FCHSD1: variants seen among roughly 807,000 people sequenced by gnomAD.
FCHSD1 encodes the protein FCH and double SH3 domains 1.
FCHSD1 carries 109 observed loss-of-function variants against 101.3 expected under a neutral mutation model. The ratio of observed to expected loss-of-function variants is 1.08; its 90% CI spans 0.92 to 1.26. FCHSD1 has a LOEUF of 1.26. FCHSD1 is among the 50% of genes most tolerant of loss of function. The pLI is 0.00. For missense variants in FCHSD1, 820 were observed against 895.8 expected (o/e 0.92, Z 1.08); for synonymous variants, 291 against 356.8 (o/e 0.82, Z 2.08).
chr5:141,641,967 A>G (rs1176071974), intron 18 of FCHSD1: 3 of 605,512 alleles, frequency 5.0e-6, no homozygotes, highest in South Asian at 2.0e-5. Flanking sequence ...ACTAAGGGAG[A>G]TAGGATGCAT....
rs906935855 is a variant in FCHSD1, at chr5:141,649,111, C to G, written c.512+61G>C. 80 of 1,613,686 alleles carry G rather than the reference C, an allele frequency of 5.0e-5. 1 individual carries two copies. Among genetic ancestry groups the G allele is most frequent in the East Asian group, 2.2e-5 (1 of 44,882 alleles). ...CCAGCTTTGGTGACTTGGCTCCACC[C>G]CTAGACAGCCCCACCTCCCTGTTCC... On this transcript the variant is annotated intron_variant, in intron 6 of 19. Coordinates refer to ENST00000435817, the MANE Select transcript of FCHSD1 (RefSeq NM_033449.3). The surrounding 1 kb of genome is among the most constrained non-coding windows in gnomAD (Gnocchi z 4.1).
chr5:141,645,957 G>A, intron 12 of FCHSD1, 25 bp from the exon 13 acceptor site: 1 of 1,552,460 alleles, frequency 6.4e-7, no homozygotes, highest in Middle Eastern at 2.0e-4. Context: ...AAGTAAGTTA[G>A]TGGAACCTGG....
chr5:141,639,970 A>G lies in FCHSD1; in HGVS notation c.*1528T>C. On this transcript the variant is annotated 3_prime_UTR_variant, in exon 20 of 20. Transcript: ENST00000435817. The surrounding 1 kb of genome is among the most constrained non-coding windows in gnomAD (Gnocchi z 4.4). ...CGCTATGGACTGCACGAACACCGTG[A>G]TGGCTCCCCCACAGACAGGAGCTGG... The G allele has an allele frequency of 1.2e-6, 2 of 1,613,948 alleles. No homozygotes were observed. The highest frequency in any genetic ancestry group is 2.2e-5 in the South Asian group (2 of 91,086).
Position 141,651,307 on chromosome 5 carries a change from C to T in FCHSD1, c.21+41G>A, listed in dbSNP as rs777871175. 1.0e-5 allele frequency: 16 copies of T among 1,551,914 alleles called. No homozygotes were observed. The Admixed American group carries it at 1.8e-4, about 17-fold the overall frequency. On this transcript the variant is annotated intron_variant, in intron 1 of 19. Transcript: ENST00000435817. ...GGATGCCCCCTTAGCTCCCTCCGTT[C>T]CCCCAGCCCGCCAGGAGTCCCCATT...
chr5:141,643,725 G>A (rs551599510), intron 17 of FCHSD1, among the ~76,000 whole-genome samples: 33 of 152,174 alleles, frequency 2.2e-4, no homozygotes, highest in African/African-American at 7.7e-4. Flanking sequence ...GCACGTGCCT[G>A]TAATCCCAGC....
chr5:141,647,546 A>G (rs1330215824), intron 8 of FCHSD1, 26 bp from the exon 9 acceptor site: 8 of 1,610,640 alleles, frequency 5.0e-6, no homozygotes, highest in Middle Eastern at 3.3e-4. Context: ...AGATACTGAC[A>G]CCACCCTTCC....
Position 141,649,659 on chromosome 5 carries a change from GGA to G in FCHSD1, c.234-125_234-124del. ...GTGCTTTCCCATCCTCCCTTGTCTG[GGA>G]GCCCATCAATCGATCAGCCCATTAG... On this transcript the variant is annotated intron_variant, in intron 4 of 19. Transcript: ENST00000435817. This position sits in a 1 kb window ranked among gnomAD's most constrained non-coding sequence, Gnocchi z 4.1. The G allele has an allele frequency of 7.3e-7, 1 of 1,370,792 alleles. No homozygotes were observed. 84.9% of individuals were successfully genotyped at this position (1,370,792 alleles called of 1,614,324 possible).
Position 141,640,770 on chromosome 5 carries a change from G to A in FCHSD1, c.*728C>T. The A allele has an allele frequency of 8.6e-7, 1 of 1,166,796 alleles. No individual in the cohort carries two copies. The highest frequency in any genetic ancestry group is 1.2e-6 in the Non-Finnish European group (1 of 837,054). 72.3% of individuals were successfully genotyped at this position (1,166,796 alleles called of 1,614,324 possible). The stretch of plus-strand genomic sequence containing the variant: ...CTGGACAGCACTGCCCCCCAGCTGA[G>A]GGACCAGCTCTACTTCCACCTGGAG... On this transcript the variant is annotated 3_prime_UTR_variant, in exon 20 of 20. Coordinates refer to ENST00000435817, the MANE Select transcript of FCHSD1 (RefSeq NM_033449.3).
At position 141,639,609 on chromosome 5, in the gene FCHSD1, C is replaced by T. The variant is rs746101960; in HGVS notation, c.*1889G>A. 19 of 1,613,330 alleles carry T rather than the reference C, an allele frequency of 1.2e-5. No homozygotes were observed. In the East Asian group the frequency reaches 1.3e-4, roughly 11 times the overall value. On this transcript the variant is annotated 3_prime_UTR_variant, in exon 20 of 20. Transcript: ENST00000435817. The surrounding 1 kb of genome is among the most constrained non-coding windows in gnomAD (Gnocchi z 4.4). ...GGGACGCTCCAAGGAAGGAAAAAGC[C>T]GCCCCCGGACAGGGGAGACCACTGT...
At position 141,644,642 on chromosome 5, in the gene FCHSD1, TGA is replaced by T; in HGVS notation, c.1571_1572del (p.Leu524GlnfsTer15). The T allele has an allele frequency of 1.2e-6, 2 of 1,613,818 alleles. No individual in the cohort carries two copies. The highest frequency in any genetic ancestry group is 1.7e-6 in the Non-Finnish European group (2 of 1,179,760). On this transcript the variant is annotated frameshift_variant, in exon 16 of 20. Coordinates refer to ENST00000435817, the MANE Select transcript of FCHSD1 (RefSeq NM_033449.3). LOFTEE classifies it high-confidence loss of function. ...TCTGGGAGGGAGAGGTCCGGGAAGT[TGA>T]GATATCGCTCAGGGACAAAGCCTAC... Reference protein sequence around the residue: ...GEVGFVPERYLNFPDLSLPES... With the variant: ...GEVGFVPERYXNFPDLSLPES...
Position 141,646,693 on chromosome 5 carries a change from G to T in FCHSD1, c.954C>A (p.Gly318=). 1 of 1,613,170 alleles carries T rather than the reference G, an allele frequency of 6.2e-7. No individual in the cohort carries two copies. Among genetic ancestry groups the T allele is most frequent in the Non-Finnish European group, 8.5e-7 (1 of 1,179,728 alleles). The change falls in exon 11 of 20, where the codon GGC becomes GGA. Residue 318 remains glycine (G), a synonymous_variant. Transcript: ENST00000435817. ...QVCVLEWGAE[G]VAGKSGLEKE... is the part of the protein sequence containing the mutation. ...TCTCCAGGCCACTCTTGCCAGCCAC[G>T]CCTTCTGCTCCCCACTCCAGGACAC...
rs537218233 is a variant in FCHSD1, at chr5:141,645,007, C to T, written c.1440+13G>A. ...CACCCTTGCCCATCAGAGGTCCCCA[C>T]CCCCATTCATACCTGATAGCGAAAT... On this transcript the variant is annotated intron_variant, in intron 14 of 19. Transcript: ENST00000435817. 33 of 1,613,350 alleles carry T rather than the reference C, an allele frequency of 2.0e-5. No homozygotes were observed. Among genetic ancestry groups the T allele is most frequent in the Middle Eastern group, 1.6e-4 (1 of 6,082 alleles).
Position 141,639,769 on chromosome 5 carries a change from G to A in FCHSD1, c.*1729C>T, listed in dbSNP as rs1328426636. On this transcript the variant is annotated 3_prime_UTR_variant, in exon 20 of 20. Coordinates refer to ENST00000435817, the MANE Select transcript of FCHSD1 (RefSeq NM_033449.3). This position sits in a 1 kb window ranked among gnomAD's most constrained non-coding sequence, Gnocchi z 4.4. ...GACTGGGAGCTCCGGCAGAAGTCAG[G>A]CTACACAATGTGCCCCACAATCTGA... is the stretch of plus-strand genomic sequence containing the variant. 12 of 1,289,970 alleles carry A rather than the reference G, an allele frequency of 9.3e-6. No individual in the cohort carries two copies. Among genetic ancestry groups the A allele is most frequent in the South Asian group, 2.7e-5 (2 of 74,012 alleles). The allele number at this position is 1,289,970 out of a possible 1,614,324, so 79.9% of individuals were successfully genotyped here. A position where few individuals can be genotyped will look rare whatever the true frequency, so the allele number is the denominator to read the frequency against.
rs997054388 is a variant in FCHSD1 at position 141,646,872 on chromosome 5, C to G, written c.925-150G>C. 3.2e-6 allele frequency: 4 copies of G among 1,240,562 alleles called. No individual in the cohort carries two copies. In the Admixed American group the frequency reaches 1.1e-4, roughly 34 times the overall value. The allele number at this position is 1,240,562 out of a possible 1,614,324, so 76.8% of individuals were successfully genotyped here. ...GTCATGGACACAGGTAATGTGGACACAGAGATACAGAGCTTCAGAAATGGG... is the reference window on the plus strand; with the variant it reads ...GTCATGGACACAGGTAATGTGGACAGAGAGATACAGAGCTTCAGAAATGGG... On this transcript the variant is annotated intron_variant, in intron 10 of 19. Coordinates refer to ENST00000435817, the MANE Select transcript of FCHSD1 (RefSeq NM_033449.3).
chr5:141,650,889 G>A (rs2099908296), intron 2 of FCHSD1, 131 bp downstream of exon 2: 2 of 835,464 alleles, frequency 2.4e-6, no homozygotes, highest in East Asian at 2.7e-5. Context: ...GCCAGGCCTA[G>A]GGTGAGGGCT....
In FCHSD1 at chr5:141,640,648, T is replaced by C; in HGVS notation, c.*850A>G. The C allele has an allele frequency of 6.5e-7, 1 of 1,537,364 alleles. No individual in the cohort carries two copies. The highest frequency in any genetic ancestry group is 8.7e-7 in the Non-Finnish European group (1 of 1,146,280). On this transcript the variant is annotated 3_prime_UTR_variant, in exon 20 of 20. Transcript: ENST00000435817. ...ACACAGCTTGAACAGGAAGCAACAG[T>C]GTTATTCTTCCTCTTCTCCAAGTCT...
Position 141,639,500 on chromosome 5 carries a change from C to T in FCHSD1, c.*1998G>A. On this transcript the variant is annotated 3_prime_UTR_variant, in exon 20 of 20. Coordinates refer to ENST00000435817, the MANE Select transcript of FCHSD1 (RefSeq NM_033449.3). The surrounding 1 kb of genome is among the most constrained non-coding windows in gnomAD (Gnocchi z 4.4). Reference sequence around the variant, plus strand: ...CCTCCAGCCTGCAGGACGGAGCCCCCTCCCATCATCACACAGTGCACCTGG... The same window carrying T: ...CCTCCAGCCTGCAGGACGGAGCCCCTTCCCATCATCACACAGTGCACCTGG... 1 of 1,613,986 alleles carries T rather than the reference C, an allele frequency of 6.2e-7. No homozygotes were observed. The highest frequency in any genetic ancestry group is 8.5e-7 in the Non-Finnish European group (1 of 1,179,952).
In FCHSD1 at chr5:141,648,758, A is replaced by G. The variant is rs79088401; in HGVS notation, c.576+199T>C. On this transcript the variant is annotated intron_variant, in intron 7 of 19. Coordinates refer to ENST00000435817, the MANE Select transcript of FCHSD1 (RefSeq NM_033449.3). ...CAATAAATGCATATTAAAGGACTGA[A>G]AAAGAAGGGTATTCTCTCCATTTTA... 2.5e-4 allele frequency among the ~76,000 whole-genome samples: 38 copies of G among 152,320 alleles called. 1 individual carries two copies. In the East Asian group the frequency reaches 5.0e-3, roughly 20 times the overall value.
chr5:141,649,223 C>T lies in FCHSD1; in HGVS notation c.461G>A (p.Arg154Gln), dbSNP rs762067116. 3.7e-6 allele frequency: 6 copies of T among 1,614,012 alleles called. No homozygotes were observed. The highest frequency in any genetic ancestry group is 5.1e-6 in the Non-Finnish European group (6 of 1,179,888). Residue 154 changes from arginine (R) to glutamine (Q), a missense_variant, in exon 6 of 20, where the codon CGG (arginine) becomes CAG (glutamine). Physicochemically the swap from Arg to Gln is conservative, Grantham distance 43. Transcript: ENST00000435817. The surrounding 1 kb of genome is among the most constrained non-coding windows in gnomAD (Gnocchi z 4.1). ...CTGTGCCAAGGCCCACACACGTTCC[C>T]GCTGCCCATACAGCTTCCGACTTCG... Reference protein sequence around the residue: ...LSRSRKLYGQRERVWALAQEK... With the variant: ...LSRSRKLYGQQERVWALAQEK...
Sources: allele counts gnomAD v4.1 joint callset (sites outside exome capture counted in the v4.1 genomes callset), GRCh38; gene constraint gnomAD v4.1.1; non-coding constraint Gnocchi (gnomAD v3.1); transcripts MANE v1.5; gene names NCBI Gene and HGNC (gene_info 2026-07-23, HGNC 2026-07-21).